The following SLC2A14 variants were observed in gnomAD, a reference collection of about 807,000 sequenced individuals.
SLC2A14 encodes solute carrier family 2, facilitated glucose transporter member 14.
In SLC2A14, 13 loss-of-function variants were observed where a neutral mutation model predicts 43.0. The observed-to-expected ratio is 0.30, with a 90% CI of 0.20 to 0.48. The LOEUF (loss-of-function observed/expected upper bound fraction) is 0.48. Among genes scored for constraint, SLC2A14 ranks in the 20% least tolerant of loss-of-function variants. The pLI, the probability that SLC2A14 is intolerant of heterozygous loss-of-function variation, is 0.99. For missense variants in SLC2A14, 428 were observed against 620.4 expected, an observed-to-expected ratio of 0.69 and a Z score of 3.29; for synonymous variants, 190 against 233.8, an observed-to-expected ratio of 0.81 and a Z score of 1.71.
Position 7,820,809 on chromosome 12 carries a change from G to C in SLC2A14, c.969+412C>G, listed in dbSNP as rs181676405. On this transcript the variant is annotated intron_variant, in intron 8 of 10. Transcript: ENST00000431042. Reference sequence around the variant, plus strand: ...CCAAAGGAAAATTAAACAACAGTCCGGGCACGCTGGCTCACACCTGTAATC... The same window carrying C: ...CCAAAGGAAAATTAAACAACAGTCCCGGCACGCTGGCTCACACCTGTAATC... Among the ~76,000 whole-genome samples, 12 of 152,100 alleles carry C rather than the reference G, an allele frequency of 7.9e-5. No homozygotes were observed. The South Asian group carries it at 2.5e-3, about 32-fold the overall frequency.
At chr12:7,888,565 C>T (rs972366882) in intron 1 of SLC2A14, among the ~76,000 whole-genome samples, 18 of 151,968 alleles carry the variant, frequency 1.2e-4, no homozygotes, top group Admixed American at 9.2e-4. Flanking sequence ...TTTGGGAGGC[C>T]GAGGTTGGCA....
At position 7,827,695 on chromosome 12, in the gene SLC2A14, A is replaced by C. The variant is rs748452945; in HGVS notation, c.677-13T>G. On this transcript the variant is annotated splice_polypyrimidine_tract_variant and intron_variant, in intron 6 of 10. Coordinates refer to ENST00000431042, the MANE Select transcript of SLC2A14 (RefSeq NM_001286234.2). ...AACCGCTGGAGGACTGGTGAAAAGA[A>C]GAAAGAGGAAAGGATAAAGAGAATG... is the stretch of plus-strand genomic sequence containing the variant. The C allele has an allele frequency of 2.2e-6, 3 of 1,379,226 alleles. No homozygotes were observed. The highest frequency in any genetic ancestry group is 5.6e-5 in the African/African-American group (2 of 35,900). The allele number at this position is 1,379,226 out of a possible 1,614,324, so 85.4% of individuals were successfully genotyped here. A position where few individuals can be genotyped will look rare whatever the true frequency, so the allele number is the denominator to read the frequency against.
At chr12:7,858,224 A>G (rs1592269842) in intron 2 of SLC2A14, among the ~76,000 whole-genome samples, 1 of 152,172 alleles carries the variant, frequency 6.6e-6, no homozygotes, top group East Asian at 1.9e-4. Flanking sequence ...TCTCTATTTG[A>G]ACCATTCCTG....
At chr12:7,891,033 G>A (rs1945768621) in exon 1 of SLC2A14, 9 of 1,535,018 alleles carry the variant, frequency 5.9e-6, no homozygotes, top group Non-Finnish European at 7.0e-6. Context: ...CTTCTCCAGA[G>A]TGGAGGTCTG....
chr12:7,874,093 A>G (rs763350015), upstream of SLC2A14, among the ~76,000 whole-genome samples: 1 of 152,270 alleles, frequency 6.6e-6, no homozygotes, highest in South Asian at 2.1e-4. Flanking sequence ...TGAGATACCA[A>G]TTCGTGCCCA....
At chr12:7,867,298 AAAC>A (rs1228770757) in intron 2 of SLC2A14, among the ~76,000 whole-genome samples, 1,945 of 70,528 alleles carry the variant, frequency 0.028, 112 homozygotes, top group African/African-American at 0.063. Flanking sequence ...AAAAAAAAAA[AAAC>A]AAAAAAAACA....
At chr12:7,826,925 TCTTTCCTTTC>T (rs71451917) in intron 7 of SLC2A14, among the ~76,000 whole-genome samples, 1 of 96,880 alleles carries the variant, frequency 1.0e-5, no homozygotes. Flanking sequence ...TTTTCCTTTT[TCTTTCCTTTC>T]CTTTCCTTTC....
chr12:7,821,151 C>A, intron 8 of SLC2A14, 70 bp downstream of exon 8: 1 of 1,162,294 alleles, frequency 8.6e-7, no homozygotes. Flanking sequence ...TGGAGCCATG[C>A]AATCCATCTT....
At chr12:7,825,425 A>T (rs1592161804) in intron 7 of SLC2A14, among the ~76,000 whole-genome samples, 1 of 141,876 alleles carries the variant, frequency 7.0e-6, no homozygotes, top group African/African-American at 2.6e-5. Context: ...GCGCTACTGC[A>T]CTCTAGCCTG....
chr12:7,863,629 TAAAA>T (rs1944734690), intron 2 of SLC2A14, among the ~76,000 whole-genome samples: 1 of 151,472 alleles, frequency 6.6e-6, no homozygotes, highest in Non-Finnish European at 1.5e-5. Flanking sequence ...TAAAAAAAAA[TAAAA>T]AATAAACCTT....
chr12:7,849,957 C>T (rs963938051), intron 2 of SLC2A14, among the ~76,000 whole-genome samples: 8 of 148,016 alleles, frequency 5.4e-5, no homozygotes, highest in Admixed American at 4.1e-4. Flanking sequence ...CTCTGCTGTA[C>T]GATGCAGGGA....
At chr12:7,876,035 TC>T (rs1945458810), upstream of SLC2A14, among the ~76,000 whole-genome samples, 1 of 151,412 alleles carries the variant, frequency 6.6e-6, no homozygotes, top group Non-Finnish European at 1.5e-5. Context: ...TCCTAGCACT[TC>T]GGGAGGCCGA....
chr12:7,837,638 C>CCAAAAAAAAAAAAAAA (rs1415686871), intron 2 of SLC2A14, among the ~76,000 whole-genome samples: 4 of 52,892 alleles, frequency 7.6e-5, no homozygotes, highest in African/African-American at 3.5e-4. Context: ...AACTTCGTCT[C>CCAAAAAAAAAAAAAAA]AAAAAAAAAA....
At chr12:7,874,529 G>C (rs187075804), upstream of SLC2A14, among the ~76,000 whole-genome samples, 396 of 151,448 alleles carry the variant, frequency 2.6e-3, no homozygotes, top group African/African-American at 9.0e-3. Flanking sequence ...AAAACTAGCC[G>C]GGCGTGGTGG....
At chr12:7,848,169 A>G (rs1455729443) in intron 2 of SLC2A14, among the ~76,000 whole-genome samples, 1 of 152,106 alleles carries the variant, frequency 6.6e-6, no homozygotes, top group African/African-American at 2.4e-5. Context: ...TCTATTTCCA[A>G]GGAATGAAGC....
At chr12:7,874,509 T>C (rs1156287590), upstream of SLC2A14, among the ~76,000 whole-genome samples, 2 of 151,410 alleles carry the variant, frequency 1.3e-5, no homozygotes, top group Non-Finnish European at 2.9e-5. Flanking sequence ...CCGTCTCTAC[T>C]GAAAAGACAA....
intron 7 of SLC2A14, among the ~76,000 whole-genome samples, chr12:7,821,825 C>CTTTTT (rs71038774): frequency 2.4e-5 from 3 of 127,254 alleles, no homozygotes; most frequent in African/African-American, 9.0e-5. Context: ...GTATTTCTTT[C>CTTTTT]TTTTTTTTTT....
intron 2 of SLC2A14, among the ~76,000 whole-genome samples, chr12:7,853,413 G>A (rs1867096014): frequency 2.5e-5 from 3 of 122,390 alleles, no homozygotes; most frequent in South Asian, 2.9e-4. Flanking sequence ...CAGAGCAACA[G>A]AGAGAGACTC....
At chr12:7,848,650 C>T (rs1411562490) in intron 2 of SLC2A14, among the ~76,000 whole-genome samples, 2 of 151,580 alleles carry the variant, frequency 1.3e-5, no homozygotes, top group African/African-American at 4.8e-5. Flanking sequence ...CCACCTCCTG[C>T]GTTCAAGCAA....
Sources: allele counts gnomAD v4.1 joint callset (sites outside exome capture counted in the v4.1 genomes callset), GRCh38; gene constraint gnomAD v4.1.1; transcripts MANE v1.5; gene names NCBI Gene and HGNC (gene_info 2026-07-23, HGNC 2026-07-21).